SLC25A21: variants seen among roughly 807,000 people sequenced by gnomAD.
SLC25A21 encodes the protein solute carrier family 25 member 21, also known as mitochondrial 2-oxodicarboxylate carrier.
In SLC25A21, 47 loss-of-function variants were observed where a neutral mutation model predicts 43.8. The observed-to-expected ratio is 1.07, with a 90% CI of 0.85 to 1.37. The LOEUF is 1.37. Ranked by LOEUF, SLC25A21 falls within the 40% of genes most tolerant of loss-of-function variation. SLC25A21 has a pLI of 0.00. For missense variants in SLC25A21, 352 were observed against 350.2 expected (o/e 1.00, Z -0.04); for synonymous variants, 131 against 121.3 (o/e 1.08, Z -0.52).
chr14:36,973,417 A>G (rs1442258653), intron 1 of SLC25A21, among the ~76,000 whole-genome samples: 1 of 152,194 alleles, frequency 6.6e-6, no homozygotes, highest in African/African-American at 2.4e-5. Flanking sequence ...CCAGTTACAT[A>G]TGGAGCAAGG....
chr14:36,733,015 G>A (rs8007214), intron 4 of SLC25A21, among the ~76,000 whole-genome samples: 26,999 of 152,106 alleles, frequency 0.18, 2,622 homozygotes, highest in Admixed American at 0.33. Flanking sequence ...AATAGGGACT[G>A]ACTCTGTTTT....
chr14:36,781,989 G>A (rs1368163058), intron 3 of SLC25A21, among the ~76,000 whole-genome samples: 1 of 152,150 alleles, frequency 6.6e-6, no homozygotes, highest in Non-Finnish European at 1.5e-5. Flanking sequence ...CGTTTCTAAA[G>A]AATAGCTTTG....
At chr14:36,934,307 ATCTTAGGAAGGAGAATC>A (rs1892364692) in intron 1 of SLC25A21, among the ~76,000 whole-genome samples, 1 of 152,056 alleles carries the variant, frequency 6.6e-6, no homozygotes, top group Non-Finnish European at 1.5e-5. Context: ...AGGTGAAAAA[ATCTTAGGAAGGAGAATC>A]TCTATAATTG....
chr14:36,889,863 A>T (rs1328929840), intron 1 of SLC25A21, among the ~76,000 whole-genome samples: 1 of 152,146 alleles, frequency 6.6e-6, no homozygotes, highest in Non-Finnish European at 1.5e-5. Context: ...ATTTGCCTCT[A>T]TGGCCTTCAT....
chr14:36,923,581 C>G (rs1892040585), intron 1 of SLC25A21, among the ~76,000 whole-genome samples: 1 of 151,896 alleles, frequency 6.6e-6, no homozygotes, highest in African/African-American at 2.4e-5. Flanking sequence ...CTTTTTAAAG[C>G]AAAGATAATA....
intron 1 of SLC25A21, among the ~76,000 whole-genome samples, chr14:36,968,643 G>C (rs532866445): frequency 5.3e-5 from 8 of 152,122 alleles, no homozygotes; most frequent in Admixed American, 3.3e-4. Flanking sequence ...CTTTCTCCAA[G>C]TTTTCCAACT....
chr14:36,732,600 AT>A (rs1884874062), intron 4 of SLC25A21, among the ~76,000 whole-genome samples: 2 of 152,180 alleles, frequency 1.3e-5, no homozygotes, highest in African/African-American at 4.8e-5. Flanking sequence ...TCTGTTTCTA[AT>A]TATGGTAATG....
At chr14:37,052,644 T>C (rs1188781468) in intron 1 of SLC25A21, among the ~76,000 whole-genome samples, 1 of 116,082 alleles carries the variant, frequency 8.6e-6, no homozygotes, top group Non-Finnish European at 1.7e-5. Context: ...ACATAAACTT[T>C]TTTTTTCCCC....
At position 37,061,658 on chromosome 14, in the gene SLC25A21, CA is replaced by C. The variant is rs747852711; in HGVS notation, c.70+110622del. Among the ~76,000 whole-genome samples, 15 of 152,258 alleles carry C rather than the reference CA, an allele frequency of 9.9e-5. 1 individual carries two copies. In the South Asian group the frequency reaches 3.1e-3, roughly 32 times the overall value. On this transcript the variant is annotated intron_variant, in intron 1 of 9. Coordinates refer to ENST00000331299, the MANE Select transcript of SLC25A21 (RefSeq NM_030631.4). ...TAGAAGGGAAAAGAAACAAAAAAGG[CA>C]GATGCCACACACAGGTAGTTCATAG... is the stretch of plus-strand genomic sequence containing the variant.
chr14:37,118,979 A>G (rs938424796), intron 1 of SLC25A21, among the ~76,000 whole-genome samples: 2 of 152,148 alleles, frequency 1.3e-5, no homozygotes, highest in Non-Finnish European at 2.9e-5. Flanking sequence ...CCTGCCGATA[A>G]AACAGCATGC....
intron 3 of SLC25A21, among the ~76,000 whole-genome samples, chr14:36,741,868 T>A (rs533685027): frequency 6.6e-6 from 1 of 152,212 alleles, no homozygotes; most frequent in East Asian, 1.9e-4. Flanking sequence ...TTAACACGTC[T>A]GTATACCTAA....
rs1435066139 is a variant in SLC25A21, at chr14:36,679,353, G to GTAA, written c.*1302_*1304dup. On this transcript the variant is annotated 3_prime_UTR_variant, in exon 10 of 10. Coordinates refer to ENST00000331299, the MANE Select transcript of SLC25A21 (RefSeq NM_030631.4). ...TTCAAATGCTCTAAATTAATAAAAA[G>GTAA]TAATAATTACCATGTTATCTTTTAC... 1 of 973,068 alleles carries GTAA rather than the reference G, an allele frequency of 1.0e-6. No individual in the cohort carries two copies. The highest frequency in any genetic ancestry group is 1.8e-5 in the African/African-American group (1 of 56,888). 60.3% of individuals were successfully genotyped at this position (973,068 alleles called of 1,614,324 possible). A position where few individuals can be genotyped will look rare whatever the true frequency, so the allele number is the denominator to read the frequency against.
intron 1 of SLC25A21, among the ~76,000 whole-genome samples, chr14:37,148,525 G>A (rs935680754): frequency 3.3e-5 from 5 of 152,080 alleles, no homozygotes; most frequent in Admixed American, 6.6e-5. Flanking sequence ...CTATGAAAGA[G>A]GTCAAAGTAT....
intron 6 of SLC25A21, among the ~76,000 whole-genome samples, chr14:36,722,406 A>G (rs989122043): frequency 6.6e-6 from 1 of 152,148 alleles, no homozygotes; most frequent in Non-Finnish European, 1.5e-5. Flanking sequence ...CAGCACCAAG[A>G]GTGAGCCCTA....
intron 2 of SLC25A21, among the ~76,000 whole-genome samples, chr14:36,833,830 C>T (rs1268734951): frequency 1.3e-5 from 2 of 152,222 alleles, no homozygotes; most frequent in African/African-American, 4.8e-5. Flanking sequence ...TCTAAAAGTC[C>T]AACTTCCCCT....
intron 1 of SLC25A21, among the ~76,000 whole-genome samples, chr14:36,929,007 C>A (rs1892210775): frequency 6.6e-6 from 1 of 152,066 alleles, no homozygotes; most frequent in Admixed American, 6.6e-5. Context: ...TCAAAAACTT[C>A]AAGTCACCAG....
intron 3 of SLC25A21, among the ~76,000 whole-genome samples, chr14:36,798,539 G>C (rs1887750778): frequency 6.9e-6 from 1 of 144,260 alleles, no homozygotes; most frequent in African/African-American, 2.6e-5. Flanking sequence ...TAAGTGTTTA[G>C]AAGGCCAGAG....
chr14:36,963,503 G>A (rs1317044994), intron 1 of SLC25A21, among the ~76,000 whole-genome samples: 1 of 152,164 alleles, frequency 6.6e-6, no homozygotes, highest in Non-Finnish European at 1.5e-5. Flanking sequence ...CATGCATGGG[G>A]TTATGATCAA....
chr14:37,106,439 T>A (rs1473177742), intron 1 of SLC25A21, among the ~76,000 whole-genome samples: 1 of 152,002 alleles, frequency 6.6e-6, no homozygotes, highest in African/African-American at 2.4e-5. Context: ...GACTGAGATA[T>A]ACACCCTGGT....
Sources: allele counts gnomAD v4.1 joint callset (sites outside exome capture counted in the v4.1 genomes callset), GRCh38; gene constraint gnomAD v4.1.1; transcripts MANE v1.5; gene names NCBI Gene and HGNC (gene_info 2026-07-23, HGNC 2026-07-21).